The following PLEKHA1 variants were observed in gnomAD, a reference collection of about 807,000 sequenced individuals.
PLEKHA1 encodes the protein pleckstrin homology domain containing A1.
In PLEKHA1, 34 loss-of-function variants were observed where a neutral mutation model predicts 52.0. The ratio of observed to expected loss-of-function variants is 0.65; its 90% confidence interval spans 0.50 to 0.87. The LOEUF is 0.87. Ranked by LOEUF, PLEKHA1 falls within the 40% of genes least tolerant of loss-of-function variation. PLEKHA1 has a pLI of 0.00. For synonymous variants in PLEKHA1, 163 were observed against 170.7 expected (o/e 0.95, Z 0.35); for missense variants, 497 against 504.2 (o/e 0.99, Z 0.14).
chr10:122,396,627 C>G (rs2096852854), intron 2 of PLEKHA1, among the ~76,000 whole-genome samples: 2 of 152,014 alleles, frequency 1.3e-5, no homozygotes, highest in Non-Finnish European at 2.9e-5. Flanking sequence ...CCAGTTACCT[C>G]CTAATCATTC....
chr10:122,376,247 C>T (rs369789922), intron 1 of PLEKHA1, among the ~76,000 whole-genome samples: 3 of 152,036 alleles, frequency 2.0e-5, no homozygotes, highest in East Asian at 1.9e-4. Context: ...TGTTGACACA[C>T]TTGTGGCAAA....
At chr10:122,386,340 G>T (rs891454983) in intron 1 of PLEKHA1, among the ~76,000 whole-genome samples, 31 of 150,060 alleles carry the variant, frequency 2.1e-4, no homozygotes, top group African/African-American at 7.4e-4. Context: ...GTATTTGGTT[G>T]TCTTATTATT....
In PLEKHA1 at chr10:122,416,024, A is replaced by G. The variant is rs199577766; in HGVS notation, c.612+22A>G. The G allele has an allele frequency of 4.4e-6, 7 of 1,576,670 alleles. No homozygotes were observed. In the African/African-American group the frequency reaches 5.5e-5, roughly 12 times the overall value. On this transcript the variant is annotated intron_variant, in intron 7 of 11. Coordinates refer to ENST00000368990, the MANE Select transcript of PLEKHA1 (RefSeq NM_001001974.4). ...AGTGGTGAGTAGCTTAACAAAATAC[A>G]TGAAATAATGAAAAAGGATTACGTT...
chr10:122,397,893 G>C (rs376617943), intron 2 of PLEKHA1, 25 bp from the exon 3 acceptor site: 2 of 1,520,588 alleles, frequency 1.3e-6, no homozygotes, highest in Non-Finnish European at 1.8e-6. Flanking sequence ...TGGATATTAA[G>C]TATATATTAA....
downstream of PLEKHA1, chr10:122,434,137 C>T (rs1384656437): frequency 6.6e-6 from 1 of 152,114 alleles, no homozygotes; most frequent in African/African-American, 2.4e-5. Context: ...GTCTTGGACA[C>T]CTGATTGTTA....
chr10:122,428,187 TC>T, intron 11 of PLEKHA1: 2 of 1,258,678 alleles, frequency 1.6e-6, no homozygotes, highest in Non-Finnish European at 2.1e-6. Context: ...GATTGGACTA[TC>T]TAGCTATGAC....
intron 2 of PLEKHA1, among the ~76,000 whole-genome samples, chr10:122,397,676 T>G (rs564175770): frequency 1.3e-5 from 2 of 152,224 alleles, no homozygotes; most frequent in East Asian, 3.9e-4. Context: ...GCTCCAGTGA[T>G]AAAAATAGCC....
In PLEKHA1 at chr10:122,412,932, T is replaced by TCAG. The variant is rs1465966234; in HGVS notation, c.356_358dup (p.Ser119_Asp120insAla). 6.2e-7 allele frequency: 1 copy of TCAG among 1,613,238 alleles called. No homozygotes were observed. Among genetic ancestry groups the TCAG allele is most frequent in the Non-Finnish European group, 8.5e-7 (1 of 1,179,428 alleles). ...TTTACTATTTCAGGTACCAAAGCAGTCAGACTCACAGCCTAATTCTGATAA... is the reference window on the plus strand; with the variant it reads ...TTTACTATTTCAGGTACCAAAGCAGTCAGCAGACTCACAGCCTAATTCTGATAA... On this transcript the variant is annotated inframe_insertion, in exon 6 of 12. Coordinates refer to ENST00000368990, the MANE Select transcript of PLEKHA1 (RefSeq NM_001001974.4).
intron 6 of PLEKHA1, among the ~76,000 whole-genome samples, chr10:122,413,499 G>C (rs1183465884): frequency 6.6e-6 from 1 of 151,966 alleles, no homozygotes; most frequent in African/African-American, 2.4e-5. Flanking sequence ...TATTCTTAAA[G>C]GAGAAATTCC....
rs192543599 is a variant in PLEKHA1, at chr10:122,405,589, A to G, written c.245-987A>G. ...GTATTAGCCAGGAAAACAGCACACT[A>G]GATATTTCAAACCTAAGGGATTTGT... On this transcript the variant is annotated intron_variant, in intron 4 of 11. Transcript: ENST00000368990. 1.1e-3 allele frequency among the ~76,000 whole-genome samples: 163 copies of G among 151,708 alleles called. 1 individual carries two copies. Among genetic ancestry groups the G allele is most frequent in the Admixed American group, 2.6e-3 (39 of 15,186 alleles).
intron 1 of PLEKHA1, among the ~76,000 whole-genome samples, chr10:122,392,562 G>A (rs1332573512): frequency 1.3e-5 from 2 of 152,114 alleles, no homozygotes; most frequent in Middle Eastern, 6.3e-3. Flanking sequence ...AGAGAGGATG[G>A]TGTAGAGCAT....
At chr10:122,411,155 T>C (rs2097101297) in intron 5 of PLEKHA1, among the ~76,000 whole-genome samples, 2 of 152,188 alleles carry the variant, frequency 1.3e-5, no homozygotes, top group African/African-American at 4.8e-5. Flanking sequence ...TATTCAGGAT[T>C]CTCTTCTCTT....
chr10:122,418,105 T>C, intron 8 of PLEKHA1, 137 bp downstream of exon 8: 1 of 558,388 alleles, frequency 1.8e-6, no homozygotes, highest in Non-Finnish European at 3.0e-6. Flanking sequence ...GTTTATTTGG[T>C]TGTGATGCTT....
At chr10:122,398,107 C>T in intron 3 of PLEKHA1, 133 bp downstream of exon 3, 1 of 631,204 alleles carries the variant, frequency 1.6e-6, no homozygotes, top group East Asian at 2.6e-5. Flanking sequence ...GAAATGGTAC[C>T]TGATTACTAC....
chr10:122,401,032 C>T lies in PLEKHA1; in HGVS notation c.244+644C>T, dbSNP rs114678049. Among the ~76,000 whole-genome samples, 720 of 152,262 alleles carry T rather than the reference C, an allele frequency of 4.7e-3. 4 individuals are homozygous for T. Among genetic ancestry groups the T allele is most frequent in the African/African-American group, 0.017 (694 of 41,536 alleles). ...GGGGAGCTCAGGAGTCGGGGAGCCT[C>T]ACTGGAGGAGGAGATGCTTACGTTG... On this transcript the variant is annotated intron_variant, in intron 4 of 11. Coordinates refer to ENST00000368990, the MANE Select transcript of PLEKHA1 (RefSeq NM_001001974.4).
At chr10:122,408,538 A>G (rs547930759) in intron 5 of PLEKHA1, among the ~76,000 whole-genome samples, 157 of 152,332 alleles carry the variant, frequency 1.0e-3, no homozygotes, top group African/African-American at 3.6e-3. Context: ...ATATAAATAC[A>G]TAGAAGTTAT....
At chr10:122,414,502 A>G (rs2097147753) in intron 6 of PLEKHA1, among the ~76,000 whole-genome samples, 1 of 152,152 alleles carries the variant, frequency 6.6e-6, no homozygotes. Flanking sequence ...TCTTAAGAGG[A>G]TGAAAAGAAA....
Position 122,430,146 on chromosome 10 carries a change from T to C in PLEKHA1, c.*208T>C, listed in dbSNP as rs1292082804. The C allele has an allele frequency of 4.9e-5, 26 of 533,378 alleles. 1 individual carries two copies. In the East Asian group the frequency reaches 7.4e-4, roughly 15 times the overall value. 33.0% of individuals were successfully genotyped at this position (533,378 alleles called of 1,614,324 possible). On this transcript the variant is annotated 3_prime_UTR_variant, in exon 12 of 12. Transcript: ENST00000368990. Reference sequence around the variant, plus strand: ...TTAAAAAAGAAAGAAAAAGGAAAAATCCAAAATATCTCAGTATCATCTGTC... The same window carrying C: ...TTAAAAAAGAAAGAAAAAGGAAAAACCCAAAATATCTCAGTATCATCTGTC...
At position 122,429,524 on chromosome 10, in the gene PLEKHA1, GTGTGTGTTTTA is replaced by G. The variant is rs1462303698; in HGVS notation, c.901-98_901-88del. The G allele has an allele frequency of 5.8e-3, 5,117 of 881,926 alleles. 9 individuals are homozygous for G. Among genetic ancestry groups the G allele is most frequent in the Middle Eastern group, 8.3e-3 (33 of 3,972 alleles). 54.6% of individuals were successfully genotyped at this position (881,926 alleles called of 1,614,324 possible). On this transcript the variant is annotated intron_variant, in intron 11 of 11. Transcript: ENST00000368990. Reference sequence around the variant, plus strand: ...TGTGTGTGTGTGTGTGTGTGTGTGTGTGTGTGTTTTATTTGTTTTTCAGAGAATCAAGTCTC... The same window carrying G: ...TGTGTGTGTGTGTGTGTGTGTGTGTGTTTGTTTTTCAGAGAATCAAGTCTC...
Sources: allele counts gnomAD v4.1 joint callset (sites outside exome capture counted in the v4.1 genomes callset), GRCh38; gene constraint gnomAD v4.1.1; transcripts MANE v1.5; gene names NCBI Gene and HGNC (gene_info 2026-07-23, HGNC 2026-07-21).